The following CIITA variants were observed in gnomAD, a reference collection of about 807,000 sequenced individuals.
The protein encoded by CIITA is MHC class II transactivator.
In CIITA, 72 loss-of-function variants were observed where a neutral mutation model predicts 115.1. The ratio of observed to expected loss-of-function variants is 0.63; its 90% CI spans 0.52 to 0.76. The LOEUF (loss-of-function observed/expected upper bound fraction) is 0.76. Ranked by LOEUF, CIITA falls within the 30% of genes least tolerant of loss-of-function variation. The pLI, the probability that CIITA is intolerant of heterozygous loss-of-function variation, is 0.00. For missense variants in CIITA, 1,617 were observed against 1,463.8 expected (o/e 1.10, Z -1.71); for synonymous variants, 763 against 635.6 (o/e 1.20, Z -3.02).
intron 1 of CIITA, among the ~76,000 whole-genome samples, chr16:10,870,738 G>A (rs2035426500): frequency 6.6e-6 from 1 of 152,298 alleles, no homozygotes; most frequent in African/African-American, 2.4e-5. Flanking sequence ...GCAATGATAC[G>A]AATCTCCCAG....
rs1477473387 is a variant in CIITA, at chr16:10,901,416, C to A, written c.437-98C>A. On this transcript the variant is annotated intron_variant, in intron 5 of 19. Coordinates refer to ENST00000324288, the MANE Select transcript of CIITA (RefSeq NM_000246.4). This position sits in a 1 kb window ranked among gnomAD's most constrained non-coding sequence, Gnocchi z 6.8. ...ATGGACCCCCAAGACCACTACCCAG[C>A]CTTGAAGTTAAGGCCGTATAGCCTG... 18 of 1,312,632 alleles carry A rather than the reference C, an allele frequency of 1.4e-5. No homozygotes were observed. Among genetic ancestry groups the A allele is most frequent in the African/African-American group, 2.9e-5 (2 of 68,738 alleles). The allele number at this position is 1,312,632 out of a possible 1,614,324, so 81.3% of individuals were successfully genotyped here. A position where few individuals can be genotyped will look rare whatever the true frequency, so the allele number is the denominator to read the frequency against.
Position 10,918,507 on chromosome 16 carries a change from G to T in CIITA, c.3130G>T (p.Ala1044Ser). The T allele has an allele frequency of 6.2e-7, 1 of 1,614,098 alleles. No individual in the cohort carries two copies. Among genetic ancestry groups the T allele is most frequent in the Non-Finnish European group, 8.5e-7 (1 of 1,180,006 alleles). Residue 1044 changes from alanine to serine, a missense_variant, in exon 16 of 20, where the codon GCA (alanine) becomes TCA (serine). Physicochemically the swap from Ala to Ser is moderately conservative, Grantham distance 99. Transcript: ENST00000324288. ...CGCCGAGGCCCTGCCTTCGCTCGCT[G>T]CATCCCTGCTCAGGCTAAGGTGAGT... ...KLAEALPSLA[A>S]SLLRLSLYNN...
In CIITA at chr16:10,898,772, C is replaced by T. The variant is rs757772586; in HGVS notation, c.358+40C>T. On this transcript the variant is annotated intron_variant, in intron 4 of 19. Transcript: ENST00000324288. ...GGTGGGGAGGTCTTGGCTCAGCCTG[C>T]ATTTCCTGCCTTGTTCCCTGGGGGG... 2.5e-6 allele frequency: 4 copies of T among 1,609,982 alleles called. No individual in the cohort carries two copies. The Admixed American group carries it at 5.0e-5, about 20-fold the overall frequency.
At chr16:10,912,703 A>T (rs1567433269) in intron 13 of CIITA, among the ~76,000 whole-genome samples, 2 of 152,232 alleles carry the variant, frequency 1.3e-5, no homozygotes, top group African/African-American at 4.8e-5. Flanking sequence ...TGAAAACAAT[A>T]ACTGAGGGCC....
chr16:10,940,635 T>G (rs1412459955), downstream of CIITA: 1 of 152,472 alleles, frequency 6.6e-6, no homozygotes, highest in African/African-American at 2.4e-5. This position sits in a 1 kb window ranked among gnomAD's most constrained non-coding sequence, Gnocchi z 4.2. Context: ...ACAGCTTGTC[T>G]GGCTCACGTG....
At position 10,906,807 on chromosome 16, in the gene CIITA, T is replaced by A. The variant is rs1389698098; in HGVS notation, c.1315T>A (p.Cys439Ser). The change falls in exon 11 of 20, where the codon TGT becomes AGT. Residue 439 changes from cysteine to serine, a missense_variant. Physicochemically the swap from Cys to Ser is moderately radical, Grantham distance 112. Coordinates refer to ENST00000324288, the MANE Select transcript of CIITA (RefSeq NM_000246.4). The part of the protein sequence containing the change: ...WAGAVSRAWA[C>S]GRLPQYDFVF... The stretch of plus-strand genomic sequence containing the variant: ...TGGGGCAGTGAGCCGGGCCTGGGCT[T>A]GTGGCCGGCTTCCCCAGTACGACTT... 4 of 1,612,538 alleles carry A rather than the reference T, an allele frequency of 2.5e-6. No individual in the cohort carries two copies. In the African/African-American group the frequency reaches 5.3e-5, roughly 21 times the overall value.
chr16:10,884,865 C>T (rs1283327059), intron 1 of CIITA, among the ~76,000 whole-genome samples: 1 of 152,094 alleles, frequency 6.6e-6, no homozygotes, highest in South Asian at 2.1e-4. Context: ...CTCCAAGACC[C>T]TCTGTAGAAA....
In CIITA at chr16:10,901,815, C is replaced by G; in HGVS notation, c.482-223C>G. 1.4e-6 allele frequency: 1 copy of G among 720,844 alleles called. No individual in the cohort carries two copies. The highest frequency in any genetic ancestry group is 2.6e-5 in the East Asian group (1 of 38,618). The allele number at this position is 720,844 out of a possible 1,614,324, so 44.7% of individuals were successfully genotyped here. On this transcript the variant is annotated intron_variant, in intron 6 of 19. Transcript: ENST00000324288. The surrounding 1 kb of genome is among the most constrained non-coding windows in gnomAD (Gnocchi z 6.8). ...TGCCCCAGCTCTCCGTGTGGAGGCC[C>G]TAGGGTCCTGCTCAGCATAGCTCTC...
At chr16:10,887,403 A>C (rs1441989287) in intron 1 of CIITA, among the ~76,000 whole-genome samples, 1 of 152,152 alleles carries the variant, frequency 6.6e-6, no homozygotes, top group Non-Finnish European at 1.5e-5. Flanking sequence ...AGAAACTCAA[A>C]CCATGTCTCT....
intron 1 of CIITA, among the ~76,000 whole-genome samples, chr16:10,884,747 G>A (rs2036762980): frequency 6.6e-6 from 1 of 152,110 alleles, no homozygotes; most frequent in Non-Finnish European, 1.5e-5. Context: ...ATCTGAGCTG[G>A]CAGCAGAGCT....
At chr16:10,908,850 T>TTTCTCACTG in intron 11 of CIITA, 179 bp from the exon 12 acceptor site, 1 of 829,262 alleles carries the variant, frequency 1.2e-6, no homozygotes, top group Non-Finnish European at 2.0e-6. Flanking sequence ...ACTGTGTGAG[T>TTTCTCACTG]TGTGAGAAAG....
chr16:10,888,258 C>T (rs976679175), intron 1 of CIITA: 1 of 152,164 alleles, frequency 6.6e-6, no homozygotes, highest in Non-Finnish European at 1.5e-5. Flanking sequence ...CAATTATTAT[C>T]CCCCACTTTA....
intron 5 of CIITA, among the ~76,000 whole-genome samples, chr16:10,899,525 T>C (rs1387784365): frequency 1.3e-5 from 2 of 152,256 alleles, no homozygotes; most frequent in Admixed American, 6.5e-5. Context: ...CATCTGGACA[T>C]ATTTTACGCC....
intron 12 of CIITA, 77 bp downstream of exon 12, chr16:10,909,264 A>G (rs1399017592): frequency 2.0e-6 from 3 of 1,508,652 alleles, no homozygotes; most frequent in Non-Finnish European, 2.8e-6. Context: ...CAAGTTTGTC[A>G]TGGGCATTTC....
rs74327198 is a variant in CIITA at position 10,917,935 on chromosome 16, C to T, written c.3063-505C>T. Among the ~76,000 whole-genome samples, 740 of 152,208 alleles carry T rather than the reference C, an allele frequency of 4.9e-3. 5 individuals carry two copies. The highest frequency in any genetic ancestry group is 8.1e-3 in the Non-Finnish European group (554 of 67,998). Reference sequence around the variant, plus strand: ...GACTTCTCCAGTAATTTCTAGTGTCCTAGGTAACACTGTAAGCTAGATTTC... The same window carrying T: ...GACTTCTCCAGTAATTTCTAGTGTCTTAGGTAACACTGTAAGCTAGATTTC... On this transcript the variant is annotated intron_variant, in intron 15 of 19. Coordinates refer to ENST00000324288, the MANE Select transcript of CIITA (RefSeq NM_000246.4).
chr16:10,902,585 C>A, intron 7 of CIITA, 73 bp from the exon 8 acceptor site: 1 of 1,594,966 alleles, frequency 6.3e-7, no homozygotes, highest in Non-Finnish European at 8.6e-7. Context: ...AGACATTAAT[C>A]AAATAAGCAA....
At chr16:10,894,015 T>C (rs573867154) in intron 1 of CIITA, among the ~76,000 whole-genome samples, 1 of 151,826 alleles carries the variant, frequency 6.6e-6, no homozygotes, top group East Asian at 1.9e-4. Context: ...ATATGCTTTC[T>C]TTCTTAAAAA....
Position 10,930,662 on chromosome 16 carries a change from C to G in CIITA, c.*6807C>G, listed in dbSNP as rs192485713. 6.6e-5 allele frequency: 10 copies of G among 152,368 alleles called. No homozygotes were observed. In the East Asian group the frequency reaches 1.9e-3, roughly 29 times the overall value. 9.4% of individuals were successfully genotyped at this position (152,368 alleles called of 1,614,324 possible). A position where few individuals can be genotyped will look rare whatever the true frequency, so the allele number is the denominator to read the frequency against. On this transcript the variant is annotated 3_prime_UTR_variant, in exon 20 of 20. Transcript: ENST00000324288. ...ACGATGGAAACGGTCTGAATGAGAG[C>G]AGGTACCATTTCCTGAGCTCTTAGC... is the stretch of plus-strand genomic sequence containing the variant.
intron 1 of CIITA, among the ~76,000 whole-genome samples, chr16:10,877,680 G>A (rs765998487): frequency 4.6e-5 from 7 of 152,170 alleles, no homozygotes; most frequent in Non-Finnish European, 1.0e-4. Flanking sequence ...GGCCTGGCTC[G>A]GCCCACAGCA....
Sources: allele counts gnomAD v4.1 joint callset (sites outside exome capture counted in the v4.1 genomes callset), GRCh38; gene constraint gnomAD v4.1.1; non-coding constraint Gnocchi (gnomAD v3.1); transcripts MANE v1.5; gene names NCBI Gene and HGNC (gene_info 2026-07-23, HGNC 2026-07-21).